ZNF385D: variants seen among roughly 807,000 people sequenced by gnomAD.
The protein encoded by ZNF385D is zinc finger protein 385D.
ZNF385D carries 15 observed loss-of-function variants against 35.8 expected under a neutral mutation model. The ratio of observed to expected loss-of-function variants is 0.42; its 90% CI spans 0.28 to 0.64. The LOEUF is 0.64. Among genes scored for constraint, ZNF385D ranks in the 30% least tolerant of loss-of-function variants. ZNF385D has a pLI of 0.23. For synonymous variants in ZNF385D, 212 were observed against 186.8 expected (o/e 1.13, Z -1.10); for missense variants, 474 against 494.6 (o/e 0.96, Z 0.39).
chr3:21,997,438 T>G (rs1559833156), intron 3 of ZNF385D, among the ~76,000 whole-genome samples: 2 of 152,174 alleles, frequency 1.3e-5, no homozygotes, highest in Non-Finnish European at 2.9e-5. Flanking sequence ...ACATGGCACA[T>G]GTATACATAT....
At chr3:21,908,995 T>A (rs1027926726) in intron 3 of ZNF385D, among the ~76,000 whole-genome samples, 2 of 152,050 alleles carry the variant, frequency 1.3e-5, no homozygotes, top group Non-Finnish European at 2.9e-5. Flanking sequence ...ACCTCAGAAT[T>A]TTTTTTAAAT....
At chr3:21,435,627 T>G (rs1701513517) in intron 5 of ZNF385D, among the ~76,000 whole-genome samples, 1 of 152,136 alleles carries the variant, frequency 6.6e-6, no homozygotes. Context: ...GATTGATGCT[T>G]TCTCAAAATG....
intron 4 of ZNF385D, among the ~76,000 whole-genome samples, chr3:21,483,147 A>G (rs946442627): frequency 3.3e-5 from 5 of 152,246 alleles, no homozygotes; most frequent in Non-Finnish European, 5.9e-5. Flanking sequence ...CTACCCCATT[A>G]AAGTCATAGC....
intron 3 of ZNF385D, among the ~76,000 whole-genome samples, chr3:21,949,318 AT>A (rs1701942124): frequency 6.6e-6 from 1 of 152,144 alleles, no homozygotes; most frequent in South Asian, 2.1e-4. Context: ...GTGTGCACAC[AT>A]TAGAAATGCT....
chr3:22,137,556 A>G lies in ZNF385D; in HGVS notation c.325+31261T>C, dbSNP rs779538. On this transcript the variant is annotated intron_variant, in intron 3 of 5. Transcript: ENST00000494108. ...AAACGTAATCCAGCATATAAACAGA[A>G]CCAAAGACAAAAATCACGATTATCT... Among the ~76,000 whole-genome samples, 10 of 152,270 alleles carry G rather than the reference A, an allele frequency of 6.6e-5. 1 individual carries two copies. Among genetic ancestry groups the G allele is most frequent in the East Asian group, 3.9e-4 (2 of 5,180 alleles).
At chr3:22,283,518 C>G (rs1264208416) in intron 2 of ZNF385D, among the ~76,000 whole-genome samples, 1 of 152,116 alleles carries the variant, frequency 6.6e-6, no homozygotes, top group Non-Finnish European at 1.5e-5. Context: ...ATTCATGTCT[C>G]TTTCAGTTAA....
intron 3 of ZNF385D, among the ~76,000 whole-genome samples, chr3:21,803,619 G>C (rs1258209967): frequency 6.6e-6 from 1 of 151,896 alleles, no homozygotes; most frequent in African/African-American, 2.4e-5. Context: ...TTTGTAATAG[G>C]ACATAAAAGC....
intron 3 of ZNF385D, among the ~76,000 whole-genome samples, chr3:21,967,526 A>C (rs1702979253): frequency 1.3e-5 from 2 of 152,206 alleles, no homozygotes; most frequent in Admixed American, 6.5e-5. Flanking sequence ...CTGGTCCTAA[A>C]GGGCCAGTTC....
chr3:21,587,602 A>T (rs891372323), intron 2 of ZNF385D, among the ~76,000 whole-genome samples: 3 of 152,178 alleles, frequency 2.0e-5, no homozygotes, highest in Admixed American at 6.5e-5. Context: ...GGTTTATGAG[A>T]TGTGTAGTAG....
intron 2 of ZNF385D, among the ~76,000 whole-genome samples, chr3:22,370,380 A>C (rs1001221362): frequency 6.6e-6 from 1 of 152,244 alleles, no homozygotes; most frequent in African/African-American, 2.4e-5. Flanking sequence ...ATTCAAGATG[A>C]ACACTAAGAT....
chr3:21,829,748 T>A (rs538130664), intron 3 of ZNF385D, among the ~76,000 whole-genome samples: 7 of 151,988 alleles, frequency 4.6e-5, no homozygotes, highest in Admixed American at 3.9e-4. Context: ...TATTGAAATA[T>A]ATACGGTTGG....
At chr3:21,815,865 G>A (rs967119687) in intron 3 of ZNF385D, among the ~76,000 whole-genome samples, 10 of 152,120 alleles carry the variant, frequency 6.6e-5, no homozygotes, top group African/African-American at 2.2e-4. Context: ...ACGCCTGGCA[G>A]AGACACAACA....
intron 3 of ZNF385D, among the ~76,000 whole-genome samples, chr3:21,857,428 G>A (rs1233823819): frequency 1.3e-5 from 2 of 152,020 alleles, no homozygotes; most frequent in Non-Finnish European, 2.9e-5. Flanking sequence ...GTAGTTTTAA[G>A]AGATTTTTTG....
intron 2 of ZNF385D, among the ~76,000 whole-genome samples, chr3:22,185,937 T>G (rs1695601072): frequency 6.6e-6 from 1 of 152,200 alleles, no homozygotes; most frequent in African/African-American, 2.4e-5. Flanking sequence ...GACAGGACAG[T>G]GGCAGAAGGT....
chr3:22,114,196 T>G (rs147629901), intron 3 of ZNF385D, among the ~76,000 whole-genome samples: 391 of 152,206 alleles, frequency 2.6e-3, no homozygotes, highest in African/African-American at 9.1e-3. Flanking sequence ...TATTATTGTT[T>G]GTATGCTTAC....
chr3:21,947,936 G>GT (rs770573545), intron 3 of ZNF385D, among the ~76,000 whole-genome samples: 132 of 152,082 alleles, frequency 8.7e-4, no homozygotes, highest in Non-Finnish European at 1.5e-3. Flanking sequence ...GCAAGATACT[G>GT]TTTTTAATTT....
chr3:22,030,701 G>C (rs1301779261), intron 3 of ZNF385D, among the ~76,000 whole-genome samples: 1 of 151,954 alleles, frequency 6.6e-6, no homozygotes, highest in African/African-American at 2.4e-5. Flanking sequence ...TTCTGCCCTG[G>C]CCCCTCCTAA....
At chr3:21,739,551 T>C (rs73822032) in intron 1 of ZNF385D, among the ~76,000 whole-genome samples, 2,175 of 152,218 alleles carry the variant, frequency 0.014, 52 homozygotes, top group African/African-American at 0.05. Flanking sequence ...CCCAAGGTGG[T>C]AAAGTCTTAG....
intron 2 of ZNF385D, among the ~76,000 whole-genome samples, chr3:22,273,309 A>G (rs924923783): frequency 2.0e-5 from 3 of 152,022 alleles, no homozygotes; most frequent in Admixed American, 6.6e-5. Context: ...AACTAGTAAC[A>G]TGAATAATGA....
Sources: gnomAD v4.1 joint callset for allele counts (sites outside exome capture counted in the v4.1 genomes callset) on GRCh38, gnomAD v4.1.1 for gene constraint, MANE v1.5 for transcripts, NCBI Gene and HGNC (gene_info 2026-07-23, HGNC 2026-07-21) for gene names.